The following MED12L variants were observed in gnomAD, a reference collection of about 807,000 sequenced individuals.
MED12L encodes the protein mediator of RNA polymerase II transcription subunit 12-like protein.
Under a neutral mutation model 281.3 loss-of-function variants are expected in MED12L, and 60 were observed. That is an observed-to-expected ratio of 0.21 (90% CI 0.17 to 0.26). The LOEUF (loss-of-function observed/expected upper bound fraction) is 0.26, where lower values mean the gene tolerates loss of function less well. Ranked by LOEUF, MED12L falls within the 10% of genes least tolerant of loss-of-function variation. The probability of loss-of-function intolerance (pLI) is 1.00; values close to 1 mark genes in which losing one functional copy is unlikely to be tolerated. For missense variants in MED12L, 2,146 were observed against 2,680.9 expected (o/e 0.80, Z 4.41); for synonymous variants, 974 against 987.2 (o/e 0.99, Z 0.25).
At chr3:151,342,039 C>T (rs146517467) in intron 16 of MED12L, among the ~76,000 whole-genome samples, 78 of 152,182 alleles carry the variant, frequency 5.1e-4, no homozygotes, top group Middle Eastern at 3.4e-3. Flanking sequence ...AATAAACATA[C>T]GTGTGCATGT....
At chr3:151,401,788 A>G (rs890390600) in intron 39 of MED12L, among the ~76,000 whole-genome samples, 2 of 152,180 alleles carry the variant, frequency 1.3e-5, no homozygotes, top group Non-Finnish European at 2.9e-5. Context: ...GTCCTGGTAA[A>G]TATGTCCTAA....
chr3:151,364,185 T>C (rs967917460), intron 21 of MED12L, among the ~76,000 whole-genome samples: 1 of 152,102 alleles, frequency 6.6e-6, no homozygotes, highest in African/African-American at 2.4e-5. Flanking sequence ...AATCTGAGAT[T>C]TTACATCAAA....
chr3:151,172,438 C>A (rs1191897620), intron 11 of MED12L, among the ~76,000 whole-genome samples: 1 of 152,188 alleles, frequency 6.6e-6, no homozygotes. Context: ...TGATCAGAGA[C>A]TCATAGTGGG....
chr3:151,164,018 T>G lies in MED12L; in HGVS notation c.1233T>G (p.Gly411=). 6.2e-7 allele frequency: 1 copy of G among 1,613,530 alleles called. No individual in the cohort carries two copies. The highest frequency in any genetic ancestry group is 1.1e-5 in the South Asian group (1 of 90,948). The part of the protein sequence containing the change: ...QVAPSSLPMP[G]GNTAFNQQVR... Reference sequence around the variant, plus strand: ...CCCCGTCCAGCCTCCCCATGCCGGGTGGGAACACGGCTTTCAATCAGCAGG... The same window carrying G: ...CCCCGTCCAGCCTCCCCATGCCGGGGGGGAACACGGCTTTCAATCAGCAGG... Residue 411 remains glycine (G), a synonymous_variant, in exon 9 of 45, where the codon GGT becomes GGG. Coordinates refer to ENST00000687756, the MANE Select transcript of MED12L (RefSeq NM_001393769.1).
chr3:151,116,573 A>G (rs1024909232), intron 3 of MED12L, 131 bp downstream of exon 3: 3 of 612,712 alleles, frequency 4.9e-6, no homozygotes, highest in Admixed American at 2.7e-5. Flanking sequence ...AATACCATGT[A>G]TACCGTCCTG....
chr3:151,156,071 C>T (rs1719235860), intron 5 of MED12L, 90 bp from the exon 6 acceptor site: 1 of 1,123,366 alleles, frequency 8.9e-7, no homozygotes, highest in Non-Finnish European at 1.3e-6. Flanking sequence ...TATCAGTACA[C>T]CCTCGAGATA....
intron 2 of MED12L, among the ~76,000 whole-genome samples, chr3:151,090,277 AC>A (rs1719857509): frequency 1.3e-5 from 2 of 152,190 alleles, no homozygotes; most frequent in Admixed American, 1.3e-4. Context: ...TTGGAAGATT[AC>A]CTAGATAGTA....
At chr3:151,292,732 C>T (rs566116630) in intron 16 of MED12L, among the ~76,000 whole-genome samples, 1 of 151,908 alleles carries the variant, frequency 6.6e-6, no homozygotes, top group South Asian at 2.1e-4. Flanking sequence ...GCCACCACGC[C>T]CGGCTGATTT....
intron 16 of MED12L, among the ~76,000 whole-genome samples, chr3:151,305,555 A>AC (rs1746525221): frequency 6.6e-6 from 1 of 151,438 alleles, no homozygotes; most frequent in Non-Finnish European, 1.5e-5. Context: ...ATATATTTCC[A>AC]CCCCCGCCAG....
At chr3:151,090,007 CA>C (rs369098187) in intron 2 of MED12L, among the ~76,000 whole-genome samples, 6 of 152,282 alleles carry the variant, frequency 3.9e-5, no homozygotes, top group African/African-American at 1.2e-4. Context: ...CTTCTGGCTT[CA>C]GGGTGACTTC....
chr3:151,339,203 A>G (rs1277510020), intron 16 of MED12L, among the ~76,000 whole-genome samples: 1 of 151,838 alleles, frequency 6.6e-6, no homozygotes, highest in African/African-American at 2.4e-5. Flanking sequence ...GCTGTGCTTT[A>G]CTCTTCTCTA....
At chr3:151,134,618 C>A (rs1715873676) in intron 5 of MED12L, among the ~76,000 whole-genome samples, 1 of 152,100 alleles carries the variant, frequency 6.6e-6, no homozygotes, top group East Asian at 1.9e-4. Flanking sequence ...CAGAGGAAGT[C>A]TTAAGGAATA....
At chr3:151,423,129 C>T (rs556038944) in intron 43 of MED12L, among the ~76,000 whole-genome samples, 1 of 151,656 alleles carries the variant, frequency 6.6e-6, no homozygotes, top group East Asian at 1.9e-4. Flanking sequence ...AAGCGATTCT[C>T]CTGCCTCAGC....
At chr3:151,279,729 C>G (rs1559975585) in intron 16 of MED12L, among the ~76,000 whole-genome samples, 1 of 152,214 alleles carries the variant, frequency 6.6e-6, no homozygotes, top group Non-Finnish European at 1.5e-5. Flanking sequence ...CCGCTAGAGC[C>G]TGGTTATTAC....
At chr3:151,174,723 A>T (rs1366772144) in intron 11 of MED12L, among the ~76,000 whole-genome samples, 2 of 151,886 alleles carry the variant, frequency 1.3e-5, no homozygotes, top group South Asian at 2.1e-4. Flanking sequence ...TTTTATTTTA[A>T]TTTTTCTTGT....
intron 16 of MED12L, among the ~76,000 whole-genome samples, chr3:151,221,974 G>T (rs1036338622): frequency 2.0e-5 from 3 of 152,230 alleles, no homozygotes; most frequent in Non-Finnish European, 4.4e-5. Context: ...CAAAGCCACA[G>T]GGGTGGAGCT....
chr3:151,269,459 G>A, intron 16 of MED12L: 1 of 241,556 alleles, frequency 4.1e-6, no homozygotes, highest in Admixed American at 5.2e-5. Context: ...GAGACTTAAT[G>A]AACAAGCCAG....
chr3:151,417,880 C>T (rs1717802803), intron 43 of MED12L, among the ~76,000 whole-genome samples: 1 of 152,018 alleles, frequency 6.6e-6, no homozygotes, highest in Non-Finnish European at 1.5e-5. Flanking sequence ...TTCAGAAAAC[C>T]TTCTTAAAGT....
At chr3:151,276,173 A>AT (rs1559970973) in intron 16 of MED12L, among the ~76,000 whole-genome samples, 2 of 152,264 alleles carry the variant, frequency 1.3e-5, no homozygotes, top group Non-Finnish European at 2.9e-5. Flanking sequence ...AATGTGCAAC[A>AT]GAATTACCTG....
Sources: gnomAD v4.1 joint callset for allele counts (sites outside exome capture counted in the v4.1 genomes callset) on GRCh38, gnomAD v4.1.1 for gene constraint, MANE v1.5 for transcripts, NCBI Gene and HGNC (gene_info 2026-07-23, HGNC 2026-07-21) for gene names.